Variants in ADAMTSL1 observed in about 807,000 individuals in gnomAD.
ADAMTSL1 encodes the protein ADAMTS like 1, also known as ADAMTS-like protein 1.
In ADAMTSL1, 126 loss-of-function variants were observed where a neutral mutation model predicts 201.8. The observed-to-expected ratio is 0.62, with a 90% CI of 0.54 to 0.72. ADAMTSL1 has a LOEUF of 0.72. Ranked by LOEUF, ADAMTSL1 falls within the 30% of genes least tolerant of loss-of-function variation. ADAMTSL1 has a pLI of 0.00. For missense variants in ADAMTSL1, 2,679 were observed against 2,277.8 expected (o/e 1.18, Z -3.59); for synonymous variants, 1,121 against 903.4 (o/e 1.24, Z -4.32).
intron 1 of ADAMTSL1, among the ~76,000 whole-genome samples, chr9:18,112,997 G>A (rs1184561996): frequency 6.6e-6 from 1 of 152,164 alleles, no homozygotes; most frequent in African/African-American, 2.4e-5. Flanking sequence ...GTGTTCTAAT[G>A]TCTAGTCCAG....
intron 4 of ADAMTSL1, among the ~76,000 whole-genome samples, chr9:18,590,959 T>G (rs921165784): frequency 6.6e-6 from 1 of 152,206 alleles, no homozygotes; most frequent in Non-Finnish European, 1.5e-5. Context: ...TATGGCTTAT[T>G]CTGGAAAATG....
chr9:17,979,463 A>G (rs971599964), intron 1 of ADAMTSL1, among the ~76,000 whole-genome samples: 2 of 151,804 alleles, frequency 1.3e-5, no homozygotes, highest in African/African-American at 4.8e-5. Flanking sequence ...GTCATGCTTG[A>G]TAAAGTCTAT....
In ADAMTSL1 at chr9:18,517,193, A is replaced by G. The variant is rs1009696752; in HGVS notation, c.191+12237A>G. ...ACCTTATGGCATGTGTGTGTATACT[A>G]TAAAGTGCATGTCCTTCTTGCTAGT... On this transcript the variant is annotated intron_variant, in intron 2 of 28. Coordinates refer to ENST00000380548, the MANE Select transcript of ADAMTSL1 (RefSeq NM_001040272.6). Among the ~76,000 whole-genome samples the G allele has an allele frequency of 4.6e-5, 7 of 152,296 alleles. No individual in the cohort carries two copies. In the East Asian group the frequency reaches 1.2e-3, roughly 25 times the overall value.
intron 2 of ADAMTSL1, among the ~76,000 whole-genome samples, chr9:18,422,294 C>T (rs1376779578): frequency 1.3e-5 from 2 of 152,114 alleles, no homozygotes; most frequent in South Asian, 2.1e-4. Context: ...AAAAGAGATA[C>T]CCCTCTTTCT....
chr9:18,657,657 G>C lies in ADAMTSL1; in HGVS notation c.853G>C (p.Ala285Pro). The C allele has an allele frequency of 3.1e-6, 5 of 1,614,040 alleles. No individual in the cohort carries two copies. Among genetic ancestry groups the C allele is most frequent in the Non-Finnish European group, 4.2e-6 (5 of 1,179,944 alleles). The change falls in exon 8 of 29, where the codon GCT becomes CCT. Residue 285 changes from alanine (A) to proline (P), a missense_variant. Physicochemically the swap from Ala to Pro is conservative, Grantham distance 27. Coordinates refer to ENST00000380548, the MANE Select transcript of ADAMTSL1 (RefSeq NM_001040272.6). Reference protein sequence around the residue: ...FIVKIRNSGSADSTVQFIFYQ... With the variant: ...FIVKIRNSGSPDSTVQFIFYQ... ...CCTGCAGATTCGTAACTCGGGCTCCGCTGACAGTACAGTCCAGTTCATCTT... is the reference window on the plus strand; with the variant it reads ...CCTGCAGATTCGTAACTCGGGCTCCCCTGACAGTACAGTCCAGTTCATCTT...
intron 4 of ADAMTSL1, among the ~76,000 whole-genome samples, chr9:18,611,386 A>G (rs1825355578): frequency 1.3e-5 from 2 of 152,318 alleles, no homozygotes; most frequent in East Asian, 3.9e-4. Flanking sequence ...GTCCCTGACC[A>G]TCTGCTGAGA....
chr9:18,243,484 C>T (rs192616849), intron 2 of ADAMTSL1, among the ~76,000 whole-genome samples: 3 of 152,150 alleles, frequency 2.0e-5, no homozygotes, highest in Admixed American at 2.0e-4. Flanking sequence ...TCACACTGAC[C>T]TTTGAAATAA....
At chr9:18,533,115 C>A in intron 2 of ADAMTSL1, 132 bp from the exon 3 acceptor site, 1 of 583,948 alleles carries the variant, frequency 1.7e-6, no homozygotes, top group East Asian at 2.9e-5. Context: ...TAATAGTAAA[C>A]CCTCTAAGAA....
intron 3 of ADAMTSL1, among the ~76,000 whole-genome samples, chr9:18,533,813 C>G (rs1819593376): frequency 6.6e-6 from 1 of 152,040 alleles, no homozygotes; most frequent in African/African-American, 2.4e-5. Context: ...TAACCACATT[C>G]TAGGAAAAAA....
At chr9:17,938,166 C>T (rs894386857) in intron 1 of ADAMTSL1, among the ~76,000 whole-genome samples, 6 of 152,052 alleles carry the variant, frequency 3.9e-5, no homozygotes, top group Non-Finnish European at 5.9e-5. Flanking sequence ...TGTGTGCACT[C>T]GTCTCTAATT....
chr9:18,842,253 G>T (rs1157041061), intron 23 of ADAMTSL1, among the ~76,000 whole-genome samples: 3 of 152,082 alleles, frequency 2.0e-5, no homozygotes, highest in Non-Finnish European at 4.4e-5. Flanking sequence ...GTTCTCGTTG[G>T]TTTCAAAGAA....
chr9:18,356,820 A>C (rs955332964), intron 2 of ADAMTSL1, among the ~76,000 whole-genome samples: 1 of 152,212 alleles, frequency 6.6e-6, no homozygotes, highest in African/African-American at 2.4e-5. Context: ...AGAAAAAGAA[A>C]GTGCTATTGT....
rs145550046 is a variant in ADAMTSL1, at chr9:17,975,395, T to G, written c.87+68473T>G. On this transcript the variant is annotated intron_variant, in intron 1 of 29. Coordinates refer to the ADAMTSL1 transcript ENST00000680146. Reference sequence around the variant, plus strand: ...GGGCACCAGCAGATTTAATGTCTGGTGAGAGCTCGATCTCTGATTCATAAA... The same window carrying G: ...GGGCACCAGCAGATTTAATGTCTGGGGAGAGCTCGATCTCTGATTCATAAA... 6.6e-3 allele frequency among the ~76,000 whole-genome samples: 1,010 copies of G among 152,152 alleles called. 5 individuals are homozygous for G. Among genetic ancestry groups the G allele is most frequent in the Non-Finnish European group, 0.01 (703 of 67,976 alleles).
At chr9:18,646,924 C>T (rs1485891676) in intron 7 of ADAMTSL1, among the ~76,000 whole-genome samples, 5 of 152,008 alleles carry the variant, frequency 3.3e-5, no homozygotes, top group Non-Finnish European at 5.9e-5. Flanking sequence ...AGGGAGGATT[C>T]CCTCTTTTTC....
intron 26 of ADAMTSL1, among the ~76,000 whole-genome samples, chr9:18,901,641 C>CAACA (rs1830025338): frequency 6.6e-6 from 1 of 151,614 alleles, no homozygotes; most frequent in African/African-American, 2.4e-5. Context: ...CCCATGGTAA[C>CAACA]AACAAAGAAA....
chr9:18,754,665 C>T (rs1256426834), intron 16 of ADAMTSL1, among the ~76,000 whole-genome samples: 1 of 152,158 alleles, frequency 6.6e-6, no homozygotes, highest in Non-Finnish European at 1.5e-5. Flanking sequence ...TGGCAGAGCC[C>T]CTCCCTTCTC....
intron 19 of ADAMTSL1, among the ~76,000 whole-genome samples, chr9:18,793,725 TGTCAACCTAAA>T (rs1822193830): frequency 6.6e-6 from 1 of 152,168 alleles, no homozygotes; most frequent in African/African-American, 2.4e-5. Flanking sequence ...TCAAATAAAC[TGTCAACCTAAA>T]GTACCTGTCA....
At chr9:18,259,509 CA>C (rs113141517) in intron 2 of ADAMTSL1, among the ~76,000 whole-genome samples, 11,749 of 124,210 alleles carry the variant, frequency 0.095, 924 homozygotes, top group African/African-American at 0.23. Flanking sequence ...AACTCTGTCT[CA>C]AAAAAAAAAA....
At chr9:18,674,881 G>A (rs1479961832) in intron 9 of ADAMTSL1, among the ~76,000 whole-genome samples, 1 of 151,998 alleles carries the variant, frequency 6.6e-6, no homozygotes, top group Non-Finnish European at 1.5e-5. Context: ...TTGCACTAGC[G>A]GTCTTATCCA....
Sources: gnomAD v4.1 joint callset for allele counts (sites outside exome capture counted in the v4.1 genomes callset) on GRCh38, gnomAD v4.1.1 for gene constraint, MANE v1.5 for transcripts, NCBI Gene and HGNC (gene_info 2026-07-23, HGNC 2026-07-21) for gene names.